Variants in ADAMTS17 observed in about 807,000 individuals in gnomAD.
ADAMTS17 encodes ADAM metallopeptidase with thrombospondin type 1 motif 17.
In ADAMTS17, 113 loss-of-function variants were observed where a neutral mutation model predicts 141.5. The ratio of observed to expected loss-of-function variants is 0.80; its 90% CI spans 0.69 to 0.93. The LOEUF (loss-of-function observed/expected upper bound fraction) is 0.93. Among genes scored for constraint, ADAMTS17 ranks in the 40% least tolerant of loss-of-function variants. The probability of loss-of-function intolerance (pLI) is 0.00; values close to 1 mark genes in which losing one functional copy is unlikely to be tolerated. For missense variants in ADAMTS17, 1,659 were observed against 1,517.9 expected (o/e 1.09, Z -1.54); for synonymous variants, 768 against 630.6 (o/e 1.22, Z -3.27).
At chr15:100,294,735 A>G (rs2142144528) in intron 3 of ADAMTS17, among the ~76,000 whole-genome samples, 1 of 152,336 alleles carries the variant, frequency 6.6e-6, no homozygotes, top group Non-Finnish European at 1.5e-5. Context: ...GGGGCTCCCC[A>G]ACATCCCACT....
intron 7 of ADAMTS17, among the ~76,000 whole-genome samples, chr15:100,207,535 C>G (rs62036188): frequency 0.26 from 39,857 of 152,028 alleles, 5,861 homozygotes; most frequent in East Asian, 0.35. Flanking sequence ...ACCTAATGCG[C>G]CATGGGCTTG....
intron 14 of ADAMTS17, among the ~76,000 whole-genome samples, chr15:100,103,450 T>TA (rs1184243794): frequency 6.6e-6 from 1 of 152,220 alleles, no homozygotes; most frequent in Non-Finnish European, 1.5e-5. Context: ...GCCTCACAGA[T>TA]GATCTTTGGA....
chr15:100,294,548 A>C (rs75099850), intron 3 of ADAMTS17, among the ~76,000 whole-genome samples: 2 of 134,334 alleles, frequency 1.5e-5, no homozygotes, highest in South Asian at 4.6e-4. Flanking sequence ...CAGCGTGGGC[A>C]AAAAAAAAAA....
At chr15:100,239,909 C>T (rs962176123) in intron 7 of ADAMTS17, among the ~76,000 whole-genome samples, 4 of 152,294 alleles carry the variant, frequency 2.6e-5, no homozygotes, top group Middle Eastern at 3.4e-3. Context: ...CACCCTCCAC[C>T]CTCAGCCAGT....
chr15:100,199,996 C>T (rs1433655984), intron 7 of ADAMTS17, among the ~76,000 whole-genome samples: 2 of 152,238 alleles, frequency 1.3e-5, no homozygotes, highest in South Asian at 4.1e-4. Context: ...GAAGGCTGCA[C>T]AGAATGTTCT....
chr15:100,011,566 A>G (rs982511954), intron 18 of ADAMTS17, among the ~76,000 whole-genome samples: 34 of 152,158 alleles, frequency 2.2e-4, no homozygotes, highest in African/African-American at 7.5e-4. Context: ...TATACCAGCT[A>G]AGCCTTTTTC....
chr15:100,084,736 C>G lies in ADAMTS17; in HGVS notation c.2137+11620G>C, dbSNP rs536188250. Among the ~76,000 whole-genome samples, 3 of 152,318 alleles carry G rather than the reference C, an allele frequency of 2.0e-5. No individual in the cohort carries two copies. The South Asian group carries it at 6.2e-4, about 32-fold the overall frequency. On this transcript the variant is annotated intron_variant, in intron 15 of 21. Coordinates refer to ENST00000268070, the MANE Select transcript of ADAMTS17 (RefSeq NM_139057.4). Reference sequence around the variant, plus strand: ...CTCCTGATACCCAGGCAAACAGGGTCTGCAGTGGAACTCCAGCAAAATCCA... The same window carrying G: ...CTCCTGATACCCAGGCAAACAGGGTGTGCAGTGGAACTCCAGCAAAATCCA...
intron 3 of ADAMTS17, among the ~76,000 whole-genome samples, chr15:100,328,605 T>C (rs2045960827): frequency 6.6e-6 from 1 of 152,142 alleles, no homozygotes; most frequent in Non-Finnish European, 1.5e-5. Flanking sequence ...TTTTAACTTG[T>C]TCCATCACAC....
At position 100,253,495 on chromosome 15, in the gene ADAMTS17, G is replaced by A. The variant is rs117436485; in HGVS notation, c.1075+641C>T. Among the ~76,000 whole-genome samples the A allele has an allele frequency of 7.7e-5, 3 of 38,876 alleles. 1 individual carries two copies. The highest frequency in any genetic ancestry group is 1.6e-4 in the Non-Finnish European group (3 of 18,672). The allele number at this position is 38,876 out of a possible 152,430, so 25.5% of individuals were successfully genotyped here. A position where few individuals can be genotyped will look rare whatever the true frequency, so the allele number is the denominator to read the frequency against. On this transcript the variant is annotated intron_variant, in intron 7 of 21. Coordinates refer to ENST00000268070, the MANE Select transcript of ADAMTS17 (RefSeq NM_139057.4). ...AGGTAGAGGGGGAGGGGAACGTAGA[G>A]GGGGAGGGGAAGGTAGAGGGGGGAG...
At chr15:100,102,655 G>A (rs1009433546) in intron 14 of ADAMTS17, among the ~76,000 whole-genome samples, 1 of 152,208 alleles carries the variant, frequency 6.6e-6, no homozygotes, top group African/African-American at 2.4e-5. Context: ...ACTGCTGCAT[G>A]GTAGGTTTCC....
chr15:99,992,952 C>T, intron 20 of ADAMTS17, 96 bp downstream of exon 20: 1 of 1,497,212 alleles, frequency 6.7e-7, no homozygotes, highest in Non-Finnish European at 9.2e-7. Context: ...GCTGGGACTG[C>T]CGCGTAGAAT....
At chr15:100,208,201 C>T (rs1293527278) in intron 7 of ADAMTS17, among the ~76,000 whole-genome samples, 1 of 152,202 alleles carries the variant, frequency 6.6e-6, no homozygotes. Flanking sequence ...AAAGGGAGCA[C>T]TGCTGCTGGT....
chr15:100,130,116 G>C (rs2037959648), intron 12 of ADAMTS17, among the ~76,000 whole-genome samples: 1 of 152,176 alleles, frequency 6.6e-6, no homozygotes, highest in African/African-American at 2.4e-5. Context: ...TGTAATCCCA[G>C]CATTTTGGGA....
intron 15 of ADAMTS17, chr15:100,063,671 T>C (rs1019107943): frequency 1.6e-6 from 2 of 1,289,774 alleles, no homozygotes; most frequent in Non-Finnish European, 2.0e-6. Context: ...AAGTCATTTG[T>C]GTTTTACCCA....
chr15:100,131,870 G>A, intron 12 of ADAMTS17, 137 bp downstream of exon 12: 9 of 1,349,346 alleles, frequency 6.7e-6, no homozygotes, highest in Non-Finnish European at 9.3e-6. Context: ...CTGCACCCTG[G>A]ACCTTGGCTG....
At chr15:100,247,219 G>T (rs553431806) in intron 7 of ADAMTS17, among the ~76,000 whole-genome samples, 4 of 152,230 alleles carry the variant, frequency 2.6e-5, no homozygotes, top group African/African-American at 9.6e-5. Context: ...CAGTCTGGAA[G>T]CACAGTTGAA....
At chr15:100,080,662 A>T (rs1193996924) in intron 15 of ADAMTS17, among the ~76,000 whole-genome samples, 1 of 152,198 alleles carries the variant, frequency 6.6e-6, no homozygotes, top group Non-Finnish European at 1.5e-5. Context: ...CAGCTGCAGA[A>T]ATGAAGTCTG....
rs1348876323 is a variant in ADAMTS17, at chr15:100,091,006, T to TCAA, written c.2137+5347_2137+5349dup. On this transcript the variant is annotated intron_variant, in intron 15 of 21. Transcript: ENST00000268070. ...CTGGGAGGCAGAGTGAGACTCCGTC[T>TCAA]CAACAAAAAAAAAAAAAAAAAAGGG... Among the ~76,000 whole-genome samples the TCAA allele has an allele frequency of 1.5e-3, 100 of 67,194 alleles. 2 individuals carry two copies. The highest frequency in any genetic ancestry group is 1.0e-2 in the African/African-American group (99 of 9,932). 44.1% of individuals were successfully genotyped at this position (67,194 alleles called of 152,430 possible).
intron 7 of ADAMTS17, among the ~76,000 whole-genome samples, chr15:100,242,923 C>G (rs1009240455): frequency 2.6e-5 from 4 of 152,198 alleles, no homozygotes; most frequent in Non-Finnish European, 5.9e-5. Flanking sequence ...CACCGTCCAC[C>G]TACAGAACTT....
Sources: allele counts gnomAD v4.1 joint callset (sites outside exome capture counted in the v4.1 genomes callset), GRCh38; gene constraint gnomAD v4.1.1; transcripts MANE v1.5; gene names NCBI Gene and HGNC (gene_info 2026-07-23, HGNC 2026-07-21).